The following USP37 variants were observed in gnomAD, a reference collection of about 807,000 sequenced individuals.
The protein encoded by USP37 is ubiquitin carboxyl-terminal hydrolase 37.
Under a neutral mutation model 124.0 loss-of-function variants are expected in USP37, and 27 were observed. That is an observed-to-expected ratio of 0.22 (90% CI 0.16 to 0.30). The LOEUF (loss-of-function observed/expected upper bound fraction) is 0.30. Among genes scored for constraint, USP37 ranks in the 10% least tolerant of loss-of-function variants. USP37 has a pLI of 1.00. For synonymous variants in USP37, 365 were observed against 388.0 expected, an observed-to-expected ratio of 0.94 and a Z score of 0.70; for missense variants, 889 against 1,140.4, an observed-to-expected ratio of 0.78 and a Z score of 3.17.
chr2:218,488,474 C>G (rs969796208), intron 14 of USP37, 53 bp from the exon 15 acceptor site: 6 of 1,118,120 alleles, frequency 5.4e-6, no homozygotes, highest in Non-Finnish European at 7.8e-6. Flanking sequence ...ACAAGAAACA[C>G]AAATATACCT....
At chr2:218,508,699 A>G (rs111944787) in intron 11 of USP37, among the ~76,000 whole-genome samples, 1,942 of 152,312 alleles carry the variant, frequency 0.013, 47 homozygotes, top group African/African-American at 0.045. Context: ...GAAATTAAGC[A>G]TTTGACTGGA....
chr2:218,519,341 A>G (rs1397436850), intron 10 of USP37, among the ~76,000 whole-genome samples: 1 of 152,234 alleles, frequency 6.6e-6, no homozygotes, highest in Admixed American at 6.5e-5. Context: ...GCTTGCAATA[A>G]CTGGGCCATA....
chr2:218,497,360 C>T (rs1238532643), intron 13 of USP37, among the ~76,000 whole-genome samples: 5 of 151,116 alleles, frequency 3.3e-5, no homozygotes, highest in African/African-American at 1.2e-4. Context: ...CGTGAGCCAC[C>T]GCACCTGGCC....
chr2:218,540,331 G>A (rs1207402254), intron 8 of USP37, among the ~76,000 whole-genome samples: 1 of 152,038 alleles, frequency 6.6e-6, no homozygotes, highest in African/African-American at 2.4e-5. Context: ...TCAAAACAGT[G>A]CACCATTTAA....
At chr2:218,523,664 T>C (rs933961709) in intron 10 of USP37, among the ~76,000 whole-genome samples, 7 of 152,132 alleles carry the variant, frequency 4.6e-5, no homozygotes, top group Admixed American at 6.5e-5. Context: ...GCTATCCCCC[T>C]GCCTTTGCCC....
chr2:218,496,933 G>A (rs1431180244), intron 13 of USP37, among the ~76,000 whole-genome samples: 5 of 152,028 alleles, frequency 3.3e-5, no homozygotes, highest in Non-Finnish European at 7.4e-5. Flanking sequence ...TTACAGGCAT[G>A]AGCTACCGCA....
intron 6 of USP37, among the ~76,000 whole-genome samples, chr2:218,548,363 C>T (rs1559223788): frequency 3.3e-5 from 5 of 150,678 alleles, no homozygotes; most frequent in African/African-American, 1.2e-4. Context: ...ATATTTAAGA[C>T]AGAGTCTTAC....
intron 18 of USP37, among the ~76,000 whole-genome samples, chr2:218,477,256 C>T (rs1261223533): frequency 6.6e-6 from 1 of 152,148 alleles, no homozygotes; most frequent in Non-Finnish European, 1.5e-5. Context: ...ATGAAATTTG[C>T]TATTGTCTTT....
Position 218,482,241 on chromosome 2 carries a change from A to C in USP37, c.1671-7T>G, listed in dbSNP as rs779533526. 25 of 1,606,746 alleles carry C rather than the reference A, an allele frequency of 1.6e-5. No individual in the cohort carries two copies. The Admixed American group carries it at 4.0e-4, about 26-fold the overall frequency. On this transcript the variant is annotated splice_polypyrimidine_tract_variant and splice_region_variant and intron_variant, in intron 16 of 25. Transcript: ENST00000258399. ...CAAATGGAGAATGAGGACCCTGAAAAACAGGAGATGACAACCTTACTAATT... is the reference window on the plus strand; with the variant it reads ...CAAATGGAGAATGAGGACCCTGAAACACAGGAGATGACAACCTTACTAATT...
chr2:218,545,361 G>C (rs1692261743), intron 8 of USP37, among the ~76,000 whole-genome samples: 1 of 152,154 alleles, frequency 6.6e-6, no homozygotes, highest in African/African-American at 2.4e-5. Flanking sequence ...ATGGAGACAA[G>C]AAAGTAGAGA....
intron 10 of USP37, among the ~76,000 whole-genome samples, chr2:218,513,658 A>G (rs1690121390): frequency 6.6e-6 from 1 of 152,112 alleles, no homozygotes; most frequent in African/African-American, 2.4e-5. Flanking sequence ...ATCTTACAAT[A>G]TGCACTTTCT....
chr2:218,457,007 A>C (rs1284404310), intron 24 of USP37, 85 bp downstream of exon 24: 13 of 1,353,822 alleles, frequency 9.6e-6, no homozygotes, highest in Non-Finnish European at 1.3e-5. Context: ...AACACACTTC[A>C]CAAAGCTAGG....
In USP37 at chr2:218,455,631, G is replaced by A. The variant is rs550060695; in HGVS notation, c.2801C>T (p.Ala934Val). ...ACTCCGATCTCGATCACTCTGCACG[G>A]CAGCCTCTTGGATTTTTGATACCTC... is the stretch of plus-strand genomic sequence containing the variant. Reference protein sequence around the residue: ...DLEVSKIQEAAVQSDRDRSGY... With the variant: ...DLEVSKIQEAVVQSDRDRSGY... The change falls in exon 25 of 26, where the codon GCC becomes GTC. Residue 934 changes from alanine to valine, a missense_variant. Physicochemically the swap from Ala to Val is moderately conservative, Grantham distance 64. Around this residue, in one of 3 missense-constraint regions of USP37, gnomAD observed 504 missense variants for 714.3 expected, o/e 0.71. Transcript: ENST00000258399. 4 of 1,614,124 alleles carry A rather than the reference G, an allele frequency of 2.5e-6. No homozygotes were observed. In the African/African-American group the frequency reaches 5.3e-5, roughly 22 times the overall value.
chr2:218,556,503 G>GTTTTTTTTTTTTTTTTTTTTTTTTT (rs34907421), intron 4 of USP37, among the ~76,000 whole-genome samples: 1 of 53,806 alleles, frequency 1.9e-5, no homozygotes. Flanking sequence ...GGGTTTTTCT[G>GTTTTTTTTTTTTTTTTTTTTTTTTT]TTTTTTTTTT....
chr2:218,559,723 C>G (rs189620527), intron 3 of USP37, among the ~76,000 whole-genome samples: 3 of 152,114 alleles, frequency 2.0e-5, no homozygotes, highest in Non-Finnish European at 4.4e-5. Flanking sequence ...AAAAAATGGC[C>G]GGACACAGTG....
chr2:218,511,207 T>G (rs1242122014), intron 10 of USP37, among the ~76,000 whole-genome samples: 2 of 152,058 alleles, frequency 1.3e-5, no homozygotes, highest in Admixed American at 1.3e-4. Context: ...TGGCGTGATC[T>G]CGACTCACTG....
At chr2:218,502,552 C>T (rs1189579381) in intron 11 of USP37, among the ~76,000 whole-genome samples, 2 of 151,800 alleles carry the variant, frequency 1.3e-5, no homozygotes, top group African/African-American at 4.8e-5. Flanking sequence ...AAACTAGAAA[C>T]CCACAGATCC....
Position 218,457,882 on chromosome 2 carries a change from C to A in USP37, c.2644-721G>T, listed in dbSNP as rs1202353453. Among the ~76,000 whole-genome samples, 3 of 151,660 alleles carry A rather than the reference C, an allele frequency of 2.0e-5. No homozygotes were observed. The East Asian group carries it at 5.8e-4, about 29-fold the overall frequency. On this transcript the variant is annotated intron_variant, in intron 23 of 25. Coordinates refer to ENST00000258399, the MANE Select transcript of USP37 (RefSeq NM_020935.3). Reference sequence around the variant, plus strand: ...CTAACACAGTGAAACCCTGTCTCTACTAAAAAAACACAAAAAATTAGCTGG... The same window carrying A: ...CTAACACAGTGAAACCCTGTCTCTAATAAAAAAACACAAAAAATTAGCTGG...
intron 11 of USP37, among the ~76,000 whole-genome samples, chr2:218,507,558 G>A (rs1488915508): frequency 6.6e-6 from 1 of 151,898 alleles, no homozygotes; most frequent in East Asian, 1.9e-4. Flanking sequence ...TCATGCTTCT[G>A]TTTTTTTCTT....
Sources: allele counts gnomAD v4.1 joint callset (sites outside exome capture counted in the v4.1 genomes callset), GRCh38; gene constraint gnomAD v4.1.1; regional missense constraint gnomAD v4.1.1; transcripts MANE v1.5; gene names NCBI Gene and HGNC (gene_info 2026-07-23, HGNC 2026-07-21).